Variants in GCH1 observed in about 807,000 individuals in gnomAD.
GCH1 encodes the protein GTP cyclohydrolase I.
A neutral mutation model predicts 25.9 loss-of-function variants in GCH1; 5 were observed. The ratio of observed to expected loss-of-function variants is 0.19; its 90% confidence interval spans 0.10 to 0.41. The LOEUF is 0.41. Among genes scored for constraint, GCH1 ranks in the 10% least tolerant of loss-of-function variants. The pLI, the probability that GCH1 is intolerant of heterozygous loss-of-function variation, is 1.00. For missense variants in GCH1, 261 were observed against 336.5 expected (o/e 0.78, Z 1.75); for synonymous variants, 159 against 129.6 (o/e 1.23, Z -1.54).
chr14:54,864,730 G>A (rs576892267), intron 2 of GCH1, among the ~76,000 whole-genome samples: 29 of 152,136 alleles, frequency 1.9e-4, no homozygotes, highest in Non-Finnish European at 3.7e-4. Flanking sequence ...TGGATTTCCT[G>A]TAAACTAGAT....
At chr14:54,846,590 A>G (rs1487363756) in intron 4 of GCH1, among the ~76,000 whole-genome samples, 2 of 152,216 alleles carry the variant, frequency 1.3e-5, no homozygotes, top group Non-Finnish European at 2.9e-5. Context: ...ATCCAAATAA[A>G]TTGATTTGAA....
rs567841653 is a variant in GCH1, at chr14:54,902,816, G to T, written c.-153C>A. The stretch of plus-strand genomic sequence containing the variant: ...TTAGATCACACTCCGAGCCGGGAGC[G>T]GCCACAGGCTGGAAAGCCCGGCCGC... On this transcript the variant is annotated 5_prime_UTR_variant, in exon 1 of 6. Coordinates refer to ENST00000491895, the MANE Select transcript of GCH1 (RefSeq NM_000161.3). The T allele has an allele frequency of 2.8e-6, 3 of 1,055,266 alleles. No homozygotes were observed. The highest frequency in any genetic ancestry group is 3.3e-5 in the African/African-American group (2 of 60,156). The allele number at this position is 1,055,266 out of a possible 1,614,324, so 65.4% of individuals were successfully genotyped here.
At chr14:54,865,689 A>G (rs1223235023) in intron 1 of GCH1, among the ~76,000 whole-genome samples, 2 of 152,216 alleles carry the variant, frequency 1.3e-5, no homozygotes, top group Non-Finnish European at 2.9e-5. Flanking sequence ...ATGGAAGAGG[A>G]AGGAGAACGG....
intron 3 of GCH1, among the ~76,000 whole-genome samples, chr14:54,852,564 A>T (rs2039748152): frequency 6.6e-6 from 1 of 152,230 alleles, no homozygotes; most frequent in Non-Finnish European, 1.5e-5. Context: ...CACCTGGAGG[A>T]AACTCACAGA....
intron 1 of GCH1, among the ~76,000 whole-genome samples, chr14:54,879,026 C>A (rs2040203583): frequency 6.6e-6 from 1 of 152,110 alleles, no homozygotes; most frequent in Non-Finnish European, 1.5e-5. Flanking sequence ...TCCCAAAGTG[C>A]TCGAATTACA....
intron 1 of GCH1, among the ~76,000 whole-genome samples, chr14:54,870,075 G>A (rs1238921667): frequency 1.3e-5 from 2 of 152,114 alleles, no homozygotes; most frequent in Non-Finnish European, 2.9e-5. Context: ...TTTGGGTGAT[G>A]GAAATAGTTC....
intron 3 of GCH1, among the ~76,000 whole-genome samples, chr14:54,851,285 A>G (rs569837911): frequency 1.6e-4 from 25 of 152,302 alleles, no homozygotes; most frequent in Non-Finnish European, 3.1e-4. Flanking sequence ...GAAAACCTAG[A>G]CAATACCATT....
At chr14:54,876,537 T>C (rs994334316) in intron 1 of GCH1, among the ~76,000 whole-genome samples, 2 of 152,056 alleles carry the variant, frequency 1.3e-5, no homozygotes, top group African/African-American at 4.8e-5. Flanking sequence ...TATGTGCCTA[T>C]AGTCCTAGCT....
rs886039379 is a variant in GCH1 at position 54,844,137 on chromosome 14, CAT to C, written c.631_632del (p.Met211ValfsTer38). On this transcript the variant is annotated frameshift_variant, in exon 6 of 6. Transcript: ENST00000491895. LOFTEE classifies it high-confidence loss of function. Reference protein sequence around the residue: ...GVGVVVEATHMCMVMRGVQKM... With the variant: ...GVGVVVEATHXCMVMRGVQKM... ...TCTGTACACCTCGCATTACCATACA[CAT>C]GTGTCTACAAAATAAGGCAACACAG... 1 of 1,610,352 alleles carries C rather than the reference CAT, an allele frequency of 6.2e-7. No homozygotes were observed. The highest frequency in any genetic ancestry group is 8.5e-7 in the Non-Finnish European group (1 of 1,176,538).
intron 3 of GCH1, among the ~76,000 whole-genome samples, chr14:54,851,593 A>C (rs1440817960): frequency 1.3e-5 from 2 of 152,248 alleles, no homozygotes; most frequent in African/African-American, 2.4e-5. Context: ...AAAAGAAGAC[A>C]TTTATGCAGC....
intron 1 of GCH1, chr14:54,885,289 CTT>C (rs1211801691): frequency 8.4e-5 from 19 of 225,780 alleles, no homozygotes; most frequent in Non-Finnish European, 1.6e-4. Flanking sequence ...AGAAAGCTGT[CTT>C]ATACTTGACA....
At chr14:54,862,074 G>A (rs887948148) in intron 2 of GCH1, among the ~76,000 whole-genome samples, 1 of 152,116 alleles carries the variant, frequency 6.6e-6, no homozygotes, top group African/African-American at 2.4e-5. Context: ...TGTCACCCAG[G>A]TTGGGGTACA....
At chr14:54,852,326 G>A (rs1381831175) in intron 3 of GCH1, among the ~76,000 whole-genome samples, 1 of 152,156 alleles carries the variant, frequency 6.6e-6, no homozygotes, top group Non-Finnish European at 1.5e-5. Context: ...ATTTAAGAAA[G>A]ATTAATGGAA....
intron 1 of GCH1, among the ~76,000 whole-genome samples, chr14:54,888,602 T>TC (rs1267257919): frequency 6.6e-6 from 1 of 151,090 alleles, no homozygotes; most frequent in East Asian, 1.9e-4. Context: ...AAGCTCTGCC[T>TC]CCCGGGTTCA....
At chr14:54,884,770 C>CAAA (rs771221968) in intron 1 of GCH1, 1 of 135,800 alleles carries the variant, frequency 7.4e-6, no homozygotes, top group African/African-American at 3.1e-5. Flanking sequence ...AACTCTGTCT[C>CAAA]AAAACAACAA....
At chr14:54,863,887 C>G (rs1398565486) in intron 2 of GCH1, among the ~76,000 whole-genome samples, 1 of 146,200 alleles carries the variant, frequency 6.8e-6, no homozygotes, top group African/African-American at 2.6e-5. Flanking sequence ...GTCTGGCAGT[C>G]TGGCTCTGTT....
intron 1 of GCH1, among the ~76,000 whole-genome samples, chr14:54,880,793 TATATATATATATACTCC>T (rs1208447093): frequency 0.035 from 2,175 of 63,002 alleles, 240 homozygotes; most frequent in African/African-American, 0.049. Flanking sequence ...ATATACTCCA[TATATATATATATACTCC>T]ATATATATAT....
chr14:54,855,260 C>T (rs2039791334), intron 3 of GCH1, among the ~76,000 whole-genome samples: 2 of 152,002 alleles, frequency 1.3e-5, no homozygotes, highest in Admixed American at 6.5e-5. Context: ...AATCCCAGCA[C>T]TTTGGGAGGC....
At chr14:54,846,457 C>T (rs1026437512) in intron 4 of GCH1, among the ~76,000 whole-genome samples, 10 of 151,790 alleles carry the variant, frequency 6.6e-5, no homozygotes, top group African/African-American at 2.4e-4. Context: ...TAGACAGCCA[C>T]CAGAATGAAT....
Sources: allele counts gnomAD v4.1 joint callset (sites outside exome capture counted in the v4.1 genomes callset), GRCh38; gene constraint gnomAD v4.1.1; transcripts MANE v1.5; gene names NCBI Gene and HGNC (gene_info 2026-07-23, HGNC 2026-07-21).